The following CEP72 variants were observed in gnomAD, a reference collection of about 807,000 sequenced individuals.
The protein encoded by CEP72 is centrosomal protein of 72 kDa.
In CEP72, 78 loss-of-function variants were observed where a neutral mutation model predicts 65.7. The observed-to-expected ratio is 1.19, with a 90% CI of 0.99 to 1.43. The LOEUF is 1.43. Ranked by LOEUF, CEP72 falls within the 40% of genes most tolerant of loss-of-function variation. The probability of loss-of-function intolerance (pLI) is 0.00; values close to 1 mark genes in which losing one functional copy is unlikely to be tolerated. For missense variants in CEP72, 914 were observed against 832.9 expected (o/e 1.10, Z -1.20); for synonymous variants, 358 against 351.7 (o/e 1.02, Z -0.20).
At chr5:619,530 A>G (rs985407172) in intron 2 of CEP72, among the ~76,000 whole-genome samples, 28 of 152,128 alleles carry the variant, frequency 1.8e-4, no homozygotes, top group African/African-American at 6.3e-4. Flanking sequence ...CCTGAGCATT[A>G]TGGAGGCTGC....
chr5:628,178 G>T (rs147592413), intron 4 of CEP72, among the ~76,000 whole-genome samples: 1 of 152,218 alleles, frequency 6.6e-6, no homozygotes, highest in Admixed American at 6.5e-5. Flanking sequence ...ATTGTGTCCC[G>T]GCGTGAAAGC....
chr5:618,022 A>C (rs1363008839), intron 1 of CEP72, among the ~76,000 whole-genome samples: 3 of 152,200 alleles, frequency 2.0e-5, no homozygotes. Flanking sequence ...TGGAGCTTGC[A>C]CAGCCCGACC....
At position 612,381 on chromosome 5, in the gene CEP72, G is replaced by C. The variant is rs1301275775; in HGVS notation, c.20G>C (p.Arg7Pro). ...TGAAACATGGCGCGGGCTGGCCCTC[G>C]GCTGGTGCTGAGCGAGGAGGCGGTT... MARAGP[R>P]LVLSEEAVRA... Residue 7 changes from arginine to proline, a missense_variant, in exon 1 of 12, where the codon CGG (arginine) becomes CCG (proline). Coordinates refer to ENST00000264935, the MANE Select transcript of CEP72 (RefSeq NM_018140.4). 3 of 1,491,714 alleles carry C rather than the reference G, an allele frequency of 2.0e-6. No homozygotes were observed. Among genetic ancestry groups the C allele is most frequent in the Non-Finnish European group, 2.7e-6 (3 of 1,125,902 alleles). The allele number at this position is 1,491,714 out of a possible 1,614,324, so 92.4% of individuals were successfully genotyped here. A position where few individuals can be genotyped will look rare whatever the true frequency, so the allele number is the denominator to read the frequency against.
intron 4 of CEP72, among the ~76,000 whole-genome samples, chr5:666,409 C>T (rs376551969): frequency 5.3e-5 from 8 of 152,344 alleles, no homozygotes; most frequent in South Asian, 4.1e-4. Flanking sequence ...CATTAGGCAG[C>T]GGAGCCCACC....
chr5:617,925 G>A (rs1736099837), intron 1 of CEP72, among the ~76,000 whole-genome samples: 1 of 152,210 alleles, frequency 6.6e-6, no homozygotes, highest in Admixed American at 6.5e-5. Flanking sequence ...GGAAAGTATT[G>A]ATGTATTCGG....
rs773076945 is a variant in CEP72, at chr5:637,761, G to T, written c.1149G>T (p.Gln383His). 6.2e-7 allele frequency: 1 copy of T among 1,610,064 alleles called. No individual in the cohort carries two copies. Among genetic ancestry groups the T allele is most frequent in the African/African-American group, 1.3e-5 (1 of 75,000 alleles). ...SESRNGRTLS[Q>H]PEASETEEQR... ...GCAGGAACGGGAGGACCTTGTCTCAGCCTGAGGCCTCGGAGACTGAGGAGC... is the reference window on the plus strand; with the variant it reads ...GCAGGAACGGGAGGACCTTGTCTCATCCTGAGGCCTCGGAGACTGAGGAGC... The change falls in exon 7 of 12, where the codon CAG (glutamine) becomes CAT (histidine). Residue 383 changes from glutamine to histidine, a missense_variant. Coordinates refer to ENST00000264935, the MANE Select transcript of CEP72 (RefSeq NM_018140.4).
At chr5:654,121 GTGC>G (rs1561069417), downstream of CEP72, among the ~76,000 whole-genome samples, 3 of 147,842 alleles carry the variant, frequency 2.0e-5, no homozygotes, top group Non-Finnish European at 3.0e-5. Context: ...CTGTGTGTGT[GTGC>G]TGTGTGTGCT....
At chr5:620,958 C>G (rs1308221288) in intron 3 of CEP72, among the ~76,000 whole-genome samples, 1 of 152,194 alleles carries the variant, frequency 6.6e-6, no homozygotes, top group Non-Finnish European at 1.5e-5. Context: ...TACCCCGAGT[C>G]ACAGATCCAG....
chr5:642,748 G>A (rs911479671), intron 9 of CEP72: 1 of 985,292 alleles, frequency 1.0e-6, no homozygotes, highest in Admixed American at 6.1e-5. Flanking sequence ...CGCGGGTAAG[G>A]AGCAGTCAGC....
chr5:625,923 G>A (rs530244889), intron 4 of CEP72, among the ~76,000 whole-genome samples: 3 of 152,254 alleles, frequency 2.0e-5, no homozygotes, highest in South Asian at 2.1e-4. Context: ...ACCAGTGATC[G>A]TGGATCAGGG....
At chr5:632,763 GC>G (rs1737281278) in intron 4 of CEP72, among the ~76,000 whole-genome samples, 3 of 35,636 alleles carry the variant, frequency 8.4e-5, no homozygotes, top group African/African-American at 1.4e-4. Context: ...TCTATCCAGT[GC>G]CGGGATTTGA....
chr5:676,173 G>A, the CEP72 span: 5 of 152,216 alleles, frequency 3.3e-5, no homozygotes, highest in Admixed American at 2.6e-4. Flanking sequence ...TGGCTTTTCT[G>A]GCATAACTTT....
At chr5:667,005 C>T (rs1739943783) in exon 5 of CEP72, 1 of 152,200 alleles carries the variant, frequency 6.6e-6, no homozygotes, top group East Asian at 1.9e-4. Flanking sequence ...CCCAGCAGGC[C>T]AAGCATTCCG....
Position 645,305 on chromosome 5 carries a change from G to C in CEP72, c.1666+880G>C, listed in dbSNP as rs933159349. Among the ~76,000 whole-genome samples, 2 of 151,358 alleles carry C rather than the reference G, an allele frequency of 1.3e-5. No individual in the cohort carries two copies. The highest frequency in any genetic ancestry group is 3.0e-5 in the Non-Finnish European group (2 of 67,746). On this transcript the variant is annotated intron_variant, in intron 10 of 11. Coordinates refer to ENST00000264935, the MANE Select transcript of CEP72 (RefSeq NM_018140.4). This position sits in a 1 kb window ranked among gnomAD's most constrained non-coding sequence, Gnocchi z 4.0. ...ATCTTTCGCCCGTTGGTTTTTATTG[G>C]GTTGTTTTATCGAGCGGTAAGAGTT... is the stretch of plus-strand genomic sequence containing the variant.
At chr5:641,164 C>G in intron 9 of CEP72, 1 of 984,884 alleles carries the variant, frequency 1.0e-6, no homozygotes, top group Non-Finnish European at 1.2e-6. Context: ...CATGGGGGCT[C>G]TGTCTCAGCC....
Position 619,129 on chromosome 5 carries a change from G to A in CEP72, c.210+12G>A, listed in dbSNP as rs1736206089. 3 of 1,605,228 alleles carry A rather than the reference G, an allele frequency of 1.9e-6. No homozygotes were observed. The African/African-American group carries it at 4.0e-5, about 22-fold the overall frequency. On this transcript the variant is annotated intron_variant, in intron 2 of 11. Transcript: ENST00000264935. Reference sequence around the variant, plus strand: ...TGGTTAGTCTGGAGGTAAGTTTTAGGTCTCTTTCTTAAAATTTATTGCTAT... The same window carrying A: ...TGGTTAGTCTGGAGGTAAGTTTTAGATCTCTTTCTTAAAATTTATTGCTAT...
chr5:652,810 A>C (rs923034531), intron 11 of CEP72, among the ~76,000 whole-genome samples, 178 bp from the exon 12 acceptor site: 2 of 152,166 alleles, frequency 1.3e-5, no homozygotes, highest in African/African-American at 2.4e-5. Context: ...GGGAAGGAGG[A>C]GGCAGGTGGG....
chr5:660,232 T>G (rs1180498576), downstream of CEP72: 2 of 150,930 alleles, frequency 1.3e-5, no homozygotes, highest in African/African-American at 4.9e-5. Flanking sequence ...TATATATAAA[T>G]TTGTTTCCCT....
At chr5:613,367 G>C (rs1196322876) in intron 1 of CEP72, among the ~76,000 whole-genome samples, 1 of 151,868 alleles carries the variant, frequency 6.6e-6, no homozygotes, top group South Asian at 2.1e-4. Flanking sequence ...TCCCCAAGGA[G>C]ATCTGAGCGG....
Sources: gnomAD v4.1 joint callset for allele counts (sites outside exome capture counted in the v4.1 genomes callset) on GRCh38, gnomAD v4.1.1 for gene constraint, Gnocchi (gnomAD v3.1) non-coding constraint, MANE v1.5 for transcripts, NCBI Gene and HGNC (gene_info 2026-07-23, HGNC 2026-07-21) for gene names.